The following SPATA17 variants were observed in gnomAD, a reference collection of about 807,000 sequenced individuals.
SPATA17 encodes spermatogenesis-associated protein 17.
In SPATA17, 53 loss-of-function variants were observed where a neutral mutation model predicts 62.2. That is an observed-to-expected ratio of 0.85 (90% CI 0.68 to 1.07). The LOEUF (loss-of-function observed/expected upper bound fraction) is 1.07. SPATA17 is among the 50% of genes least tolerant of loss of function. The pLI, the probability that SPATA17 is intolerant of heterozygous loss-of-function variation, is 0.00. For missense variants in SPATA17, 466 were observed against 425.5 expected (o/e 1.10, Z -0.84); for synonymous variants, 146 against 146.8 (o/e 0.99, Z 0.04).
chr1:217,794,221 G>A (rs1202432280), intron 8 of SPATA17, among the ~76,000 whole-genome samples: 2 of 151,942 alleles, frequency 1.3e-5, no homozygotes, highest in African/African-American at 2.4e-5. Context: ...TTTCCCCTGT[G>A]ACTATCACCT....
chr1:217,659,767 G>A (rs1670527303), intron 3 of SPATA17, among the ~76,000 whole-genome samples: 1 of 152,052 alleles, frequency 6.6e-6, no homozygotes, highest in East Asian at 1.9e-4. Context: ...CGAACCCTGA[G>A]AAACAGTCAT....
intron 9 of SPATA17, among the ~76,000 whole-genome samples, chr1:217,852,647 A>C (rs796623332): frequency 6.6e-6 from 1 of 152,216 alleles, no homozygotes; most frequent in African/African-American, 2.4e-5. Flanking sequence ...TCCCAAATGC[A>C]TTAACAGGTT....
At chr1:217,773,466 T>C (rs1464309864) in intron 6 of SPATA17, among the ~76,000 whole-genome samples, 1 of 152,178 alleles carries the variant, frequency 6.6e-6, no homozygotes, top group Non-Finnish European at 1.5e-5. Flanking sequence ...ATATCAAAGA[T>C]TGGTATCTAA....
At chr1:217,669,305 A>G (rs1302922995) in intron 4 of SPATA17, among the ~76,000 whole-genome samples, 1 of 152,222 alleles carries the variant, frequency 6.6e-6, no homozygotes, top group Non-Finnish European at 1.5e-5. Flanking sequence ...TATGTTTTAG[A>G]ATGTTGAATA....
chr1:217,803,244 T>C (rs1427652298), intron 9 of SPATA17, among the ~76,000 whole-genome samples: 9 of 151,918 alleles, frequency 5.9e-5, no homozygotes, highest in Non-Finnish European at 1.3e-4. Flanking sequence ...GCATTCAGTA[T>C]AGTACTGGAA....
intron 5 of SPATA17, among the ~76,000 whole-genome samples, chr1:217,701,942 T>G (rs889135123): frequency 6.6e-6 from 1 of 151,958 alleles, no homozygotes. Context: ...TTTAGTTCTA[T>G]CATCCTTTTC....
intron 9 of SPATA17, among the ~76,000 whole-genome samples, chr1:217,827,449 A>G (rs1277987780): frequency 1.3e-5 from 2 of 152,174 alleles, no homozygotes; most frequent in Non-Finnish European, 2.9e-5. Context: ...TAGTTCAACC[A>G]TTGTGGAAGA....
At chr1:217,763,405 A>T (rs1174504203) in intron 6 of SPATA17, among the ~76,000 whole-genome samples, 1 of 152,170 alleles carries the variant, frequency 6.6e-6, no homozygotes, top group East Asian at 1.9e-4. Context: ...TGGAAAAAAA[A>T]AAACATTTTT....
intron 8 of SPATA17, among the ~76,000 whole-genome samples, chr1:217,798,198 A>G (rs1006608838): frequency 6.6e-6 from 1 of 152,204 alleles, no homozygotes; most frequent in Non-Finnish European, 1.5e-5. Context: ...GTGCATGCTA[A>G]AGAAATAATA....
chr1:217,807,262 G>A (rs1674456205), intron 9 of SPATA17, among the ~76,000 whole-genome samples: 1 of 151,932 alleles, frequency 6.6e-6, no homozygotes, highest in South Asian at 2.1e-4. Flanking sequence ...AAGAGGGGAG[G>A]GAGGGAGGGA....
At chr1:217,708,522 A>G (rs1671786834) in intron 5 of SPATA17, among the ~76,000 whole-genome samples, 1 of 152,136 alleles carries the variant, frequency 6.6e-6, no homozygotes, top group African/African-American at 2.4e-5. Context: ...TAATCCCTGA[A>G]CAGACCAATA....
chr1:217,780,295 G>A (rs1295608374), intron 7 of SPATA17, among the ~76,000 whole-genome samples: 1 of 151,574 alleles, frequency 6.6e-6, no homozygotes, highest in East Asian at 1.9e-4. Context: ...GGAGCTGGAA[G>A]ACTATTGAGC....
intron 5 of SPATA17, among the ~76,000 whole-genome samples, chr1:217,703,564 C>T (rs1453921397): frequency 6.6e-6 from 1 of 152,196 alleles, no homozygotes; most frequent in South Asian, 2.1e-4. Flanking sequence ...AGTATCTTTA[C>T]ATTTTTTTCT....
At chr1:217,801,586 T>C in intron 8 of SPATA17, 132 bp from the exon 9 acceptor site, 2 of 628,224 alleles carry the variant, frequency 3.2e-6, no homozygotes, top group Non-Finnish European at 5.1e-6. Flanking sequence ...GAGGTTGAAA[T>C]GGAATCTAGG....
intron 5 of SPATA17, among the ~76,000 whole-genome samples, chr1:217,688,921 C>T (rs781356373): frequency 4.6e-5 from 7 of 152,080 alleles, no homozygotes; most frequent in African/African-American, 1.7e-4. Flanking sequence ...TATAGTAAGT[C>T]CAAGGTAATA....
At chr1:217,766,302 T>G (rs890564757) in intron 6 of SPATA17, among the ~76,000 whole-genome samples, 2 of 152,062 alleles carry the variant, frequency 1.3e-5, no homozygotes, top group African/African-American at 4.8e-5. Context: ...ACTGCATATT[T>G]TATGATTCCA....
At chr1:217,849,588 T>C (rs190260224) in intron 9 of SPATA17, among the ~76,000 whole-genome samples, 376 of 152,220 alleles carry the variant, frequency 2.5e-3, no homozygotes, top group African/African-American at 8.7e-3. Flanking sequence ...TATCTGGGAA[T>C]TGGTAATTGA....
chr1:217,805,293 T>C (rs1571816919), intron 9 of SPATA17, among the ~76,000 whole-genome samples: 1 of 152,110 alleles, frequency 6.6e-6, no homozygotes, highest in Non-Finnish European at 1.5e-5. Flanking sequence ...ATACAAATAC[T>C]GCATGGTCTC....
At chr1:217,807,992 G>T (rs925688371) in intron 9 of SPATA17, among the ~76,000 whole-genome samples, 8 of 152,166 alleles carry the variant, frequency 5.3e-5, no homozygotes, top group Non-Finnish European at 1.0e-4. Flanking sequence ...CATGGAAGAG[G>T]CCTCAGTTCA....
Sources: allele counts gnomAD v4.1 joint callset (sites outside exome capture counted in the v4.1 genomes callset), GRCh38; gene constraint gnomAD v4.1.1; transcripts MANE v1.5; gene names NCBI Gene and HGNC (gene_info 2026-07-23, HGNC 2026-07-21).